The following SLC41A3 variants were observed in gnomAD, a reference collection of about 807,000 sequenced individuals.
SLC41A3 encodes the protein SLC41A1-like 2.
A neutral mutation model predicts 45.4 loss-of-function variants in SLC41A3; 44 were observed. That is an observed-to-expected ratio of 0.97 (90% CI 0.76 to 1.25). SLC41A3 has a LOEUF of 1.25. SLC41A3 is among the 50% of genes most tolerant of loss of function. SLC41A3 has a pLI of 0.00. For synonymous variants in SLC41A3, 256 were observed against 252.4 expected, an observed-to-expected ratio of 1.01 and a Z score of -0.13; for missense variants, 550 against 600.6, an observed-to-expected ratio of 0.92 and a Z score of 0.88.
At chr3:126,058,914 G>A (rs147388936) in intron 2 of SLC41A3, among the ~76,000 whole-genome samples, 5 of 152,198 alleles carry the variant, frequency 3.3e-5, no homozygotes, top group Non-Finnish European at 7.3e-5. Context: ...CAGGCCTCAT[G>A]GCCAGCTGAG....
chr3:126,090,622 A>G (rs1238326673), intron 1 of SLC41A3, among the ~76,000 whole-genome samples: 1 of 152,172 alleles, frequency 6.6e-6, no homozygotes, highest in Non-Finnish European at 1.5e-5. Context: ...TCAAACTATA[A>G]ATGTTATTTC....
At chr3:126,041,068 T>TA (rs574431252) in intron 3 of SLC41A3, among the ~76,000 whole-genome samples, 7 of 152,100 alleles carry the variant, frequency 4.6e-5, no homozygotes, top group Non-Finnish European at 8.8e-5. Context: ...AAATTTAAAA[T>TA]AAAAAACAAA....
At chr3:126,032,131 T>G (rs1576263904) in intron 4 of SLC41A3, among the ~76,000 whole-genome samples, 2 of 146,990 alleles carry the variant, frequency 1.4e-5, no homozygotes, top group Non-Finnish European at 1.5e-5. Flanking sequence ...GGCAGGGAGG[T>G]GTGAAGGGGT....
intron 2 of SLC41A3, chr3:126,056,385 T>C (rs7613944): frequency 1 from 1,612,382 of 1,614,150 alleles, 805,324 homozygotes; most frequent in Non-Finnish European, 1. Context: ...CCAGGCCGGC[T>C]GTCATCATGC....
chr3:126,016,734 CT>C lies in SLC41A3; in HGVS notation c.886del (p.Ser296AlafsTer8). The stretch of plus-strand genomic sequence containing the variant: ...CGTGGCCCTGGCTCCTGCTCACCTG[CT>C]GATGACCATGGCCAGGATGATTGGG... ...WFPIILAMVISSFGGLILSKT... is the reference protein window; with the variant it reads ...WFPIILAMVIXSFGGLILSKT... On this transcript the variant is annotated frameshift_variant, in exon 7 of 11. Transcript: ENST00000360370. LOFTEE classifies it high-confidence loss of function. The C allele has an allele frequency of 6.2e-7, 1 of 1,608,648 alleles. No homozygotes were observed. The highest frequency in any genetic ancestry group is 1.1e-5 in the South Asian group (1 of 89,840).
chr3:126,023,044 C>T, intron 5 of SLC41A3, 112 bp from the exon 6 acceptor site: 1 of 1,433,400 alleles, frequency 7.0e-7, no homozygotes, highest in South Asian at 1.3e-5. Flanking sequence ...TGGCAGGTGG[C>T]AGGGAGGCTG....
chr3:126,073,300 G>A (rs929093292), intron 1 of SLC41A3: 3 of 152,214 alleles, frequency 2.0e-5, no homozygotes, highest in Non-Finnish European at 2.9e-5. Flanking sequence ...AGCCAGTCAT[G>A]GTGGAGTGTA....
At chr3:126,023,594 ACTGGGAGC>A (rs1402847736) in intron 5 of SLC41A3, 1 of 152,534 alleles carries the variant, frequency 6.6e-6, no homozygotes, top group Non-Finnish European at 1.5e-5. Context: ...ACAGTCCTGC[ACTGGGAGC>A]TTAGCGGTGC....
At chr3:126,055,616 T>G (rs971288014) in intron 2 of SLC41A3, among the ~76,000 whole-genome samples, 1 of 152,234 alleles carries the variant, frequency 6.6e-6, no homozygotes, top group African/African-American at 2.4e-5. Flanking sequence ...GTGATAGAGA[T>G]GAAGGGACAG....
chr3:126,096,286 C>T (rs9862057), intron 1 of SLC41A3, among the ~76,000 whole-genome samples: 92,639 of 151,988 alleles, frequency 0.61, 28,661 homozygotes, highest in African/African-American at 0.71. Context: ...TCTGCAGATG[C>T]GGATCCTGAC....
chr3:126,056,518 A>G, intron 2 of SLC41A3: 1 of 1,614,102 alleles, frequency 6.2e-7, no homozygotes, highest in Non-Finnish European at 8.5e-7. Context: ...CTTGCCCTGA[A>G]AGCAAAACTC....
intron 3 of SLC41A3, among the ~76,000 whole-genome samples, chr3:126,047,855 C>T (rs1385927519): frequency 6.6e-6 from 1 of 152,002 alleles, no homozygotes; most frequent in Non-Finnish European, 1.5e-5. Flanking sequence ...GATATGATAC[C>T]AAAAGCACAG....
chr3:126,100,818 C>T (rs2108147126), intron 1 of SLC41A3, among the ~76,000 whole-genome samples: 1 of 152,330 alleles, frequency 6.6e-6, no homozygotes, highest in Non-Finnish European at 1.5e-5. Context: ...TGCAGTTTCA[C>T]AGCCTGCAGT....
chr3:126,048,949 G>C (rs1943145013), intron 3 of SLC41A3, among the ~76,000 whole-genome samples: 1 of 151,888 alleles, frequency 6.6e-6, no homozygotes, highest in Non-Finnish European at 1.5e-5. Context: ...TAAAACCTTT[G>C]AAGGTTCTAC....
chr3:126,063,763 G>C (rs1944195617), intron 2 of SLC41A3, among the ~76,000 whole-genome samples: 1 of 152,186 alleles, frequency 6.6e-6, no homozygotes, highest in South Asian at 2.1e-4. Context: ...TTTCCTTCTT[G>C]AAATATAGAG....
At chr3:126,090,892 C>G (rs1945477186) in intron 1 of SLC41A3, among the ~76,000 whole-genome samples, 1 of 152,166 alleles carries the variant, frequency 6.6e-6, no homozygotes, top group African/African-American at 2.4e-5. Context: ...CGAAGATGCC[C>G]TCTTCCGGCC....
intron 4 of SLC41A3, among the ~76,000 whole-genome samples, chr3:126,031,138 C>T (rs1020715809): frequency 1.5e-4 from 23 of 152,136 alleles, no homozygotes; most frequent in African/African-American, 5.3e-4. Flanking sequence ...TATGGGCACA[C>T]ACATTTATAT....
chr3:126,008,317 GCATGCACTGTGA>G (rs1289101930), intron 10 of SLC41A3, among the ~76,000 whole-genome samples: 2 of 152,236 alleles, frequency 1.3e-5, no homozygotes, highest in African/African-American at 4.8e-5. Context: ...CATGCATGTG[GCATGCACTGTGA>G]CATGCAGTGT....
upstream of SLC41A3, among the ~76,000 whole-genome samples, chr3:126,088,650 T>A (rs1253806502): frequency 1.3e-5 from 2 of 151,978 alleles, no homozygotes; most frequent in Non-Finnish European, 2.9e-5. Flanking sequence ...GCAACAAAAG[T>A]TAACTCAGAC....
Sources: allele counts gnomAD v4.1 joint callset (sites outside exome capture counted in the v4.1 genomes callset), GRCh38; gene constraint gnomAD v4.1.1; transcripts MANE v1.5; gene names NCBI Gene and HGNC (gene_info 2026-07-23, HGNC 2026-07-21).